Variants in ZNF442 observed in about 807,000 individuals in gnomAD.
The protein encoded by ZNF442 is zinc finger protein 442.
In ZNF442, 45 loss-of-function variants were observed where a neutral mutation model predicts 57.0. The observed-to-expected ratio is 0.79, with a 90% CI of 0.62 to 1.01. ZNF442 has a LOEUF of 1.01. ZNF442 is among the 50% of genes least tolerant of loss of function. The pLI is 0.00. For missense variants in ZNF442, 690 were observed against 756.5 expected (o/e 0.91, Z 1.03); for synonymous variants, 213 against 241.8 (o/e 0.88, Z 1.10).
At chr19:12,373,674 G>A in the ZNF442 span, 2 of 305,438 alleles carry the variant, frequency 6.5e-6, no homozygotes, top group South Asian at 3.5e-5. Flanking sequence ...GTCTCAATAT[G>A]TGCCGCCAGT....
chr19:12,356,636 A>AAAAAAAAAAAG lies in ZNF442; in HGVS notation c.79-3523_79-3522insCTTTTTTTTTT, dbSNP rs1032081069. 1.5e-3 allele frequency among the ~76,000 whole-genome samples: 230 copies of AAAAAAAAAAAG among 151,728 alleles called. 2 individuals carry two copies. Among genetic ancestry groups the AAAAAAAAAAAG allele is most frequent in the African/African-American group, 5.4e-3 (221 of 41,052 alleles). On this transcript the variant is annotated intron_variant, in intron 3 of 5. Coordinates refer to ENST00000242804, the MANE Select transcript of ZNF442 (RefSeq NM_030824.3). ...GAGTGAAACTCCGTCTCAAAAAAAA[A>AAAAAAAAAAAG]AGAGAGAGAGAGAAACAAGGCAAGG...
At chr19:12,364,448 A>C (rs1027903368) in intron 2 of ZNF442, among the ~76,000 whole-genome samples, 13 of 151,806 alleles carry the variant, frequency 8.6e-5, no homozygotes, top group Non-Finnish European at 1.5e-4. Flanking sequence ...GAAGCCATCC[A>C]TTGCTCTCTG....
At chr19:12,362,095 C>T (rs1969439696) in intron 3 of ZNF442, among the ~76,000 whole-genome samples, 1 of 152,238 alleles carries the variant, frequency 6.6e-6, no homozygotes, top group East Asian at 1.9e-4. Context: ...AGCCGCCTGC[C>T]TTGGCCTCCC....
rs570619039 is a variant in ZNF442, at chr19:12,353,952, G to A, written c.79-838C>T. On this transcript the variant is annotated intron_variant, in intron 3 of 5. Transcript: ENST00000242804. ...GACGCCCTGTGCCACACAGGGACTCGACAGAGTCTCCACCAGCAAGGAGGT... is the reference window on the plus strand; with the variant it reads ...GACGCCCTGTGCCACACAGGGACTCAACAGAGTCTCCACCAGCAAGGAGGT... Among the ~76,000 whole-genome samples the A allele has an allele frequency of 2.7e-4, 41 of 152,228 alleles. 1 individual carries two copies. Among genetic ancestry groups the A allele is most frequent in the South Asian group, 4.2e-4 (2 of 4,814 alleles).
upstream of ZNF442, among the ~76,000 whole-genome samples, chr19:12,368,539 T>C (rs1041485993): frequency 6.6e-6 from 1 of 152,198 alleles, no homozygotes; most frequent in Admixed American, 6.5e-5. Flanking sequence ...GCAACTAATG[T>C]ATAACCTGGC....
chr19:12,365,993 G>GACTC, upstream of ZNF442: 1 of 152,364 alleles, frequency 6.6e-6, no homozygotes, highest in Non-Finnish European at 1.5e-5. Flanking sequence ...GGGAATTCGA[G>GACTC]ACTCACTGCC....
chr19:12,366,046 A>T (rs1969526665), upstream of ZNF442: 1 of 152,264 alleles, frequency 6.6e-6, no homozygotes, highest in Admixed American at 6.5e-5. Context: ...GGGGAGGCCC[A>T]GGCCACACAA....
intron 4 of ZNF442, among the ~76,000 whole-genome samples, chr19:12,352,548 C>A (rs1352078707): frequency 6.6e-6 from 1 of 152,130 alleles, no homozygotes; most frequent in African/African-American, 2.4e-5. Context: ...TCTCTGCTAC[C>A]CCTGGGACAC....
In ZNF442 at chr19:12,350,290, G is replaced by C; in HGVS notation, c.1295C>G (p.Pro432Arg). Residue 432 changes from proline (P) to arginine (R), a missense_variant, in exon 6 of 6, where the codon CCC becomes CGC. By Grantham distance (103) the Pro-to-Arg change is moderately radical. Transcript: ENST00000242804. ...TTTACCACATTCTTTACATTCATAGGGTTTCTCACCAGTATGAGTCCTTTC... is the reference window on the plus strand; with the variant it reads ...TTTACCACATTCTTTACATTCATAGCGTTTCTCACCAGTATGAGTCCTTTC... ...GHERTHTGEK[P>R]YECKECGKAF... 6.2e-7 allele frequency: 1 copy of C among 1,613,600 alleles called. No homozygotes were observed. The highest frequency in any genetic ancestry group is 8.5e-7 in the Non-Finnish European group (1 of 1,179,964).
Position 12,351,507 on chromosome 19 carries a change from C to T in ZNF442, c.267-189G>A, listed in dbSNP as rs1292905313. Reference sequence around the variant, plus strand: ...GCTGTTTTCTTGACAATGATAAACACATGAAATTCTTTTTTTTGAGATGGA... The same window carrying T: ...GCTGTTTTCTTGACAATGATAAACATATGAAATTCTTTTTTTTGAGATGGA... On this transcript the variant is annotated intron_variant, in intron 5 of 5. Coordinates refer to ENST00000242804, the MANE Select transcript of ZNF442 (RefSeq NM_030824.3). 2.0e-5 allele frequency among the ~76,000 whole-genome samples: 3 copies of T among 152,110 alleles called. No homozygotes were observed. In the East Asian group the frequency reaches 5.8e-4, roughly 29 times the overall value.
At chr19:12,371,137 G>A in the ZNF442 span, among the ~76,000 whole-genome samples, 1 of 152,022 alleles carries the variant, frequency 6.6e-6, no homozygotes, top group Non-Finnish European at 1.5e-5. Flanking sequence ...TAAAAAGAAA[G>A]AAGCCAAACA....
chr19:12,360,345 C>A (rs1969402642), intron 3 of ZNF442, among the ~76,000 whole-genome samples: 1 of 152,162 alleles, frequency 6.6e-6, no homozygotes, highest in Admixed American at 6.5e-5. Flanking sequence ...CTTTCTAATG[C>A]TCTGTAGCTT....
rs1429346994 is a variant in ZNF442, at chr19:12,350,197, C to T, written c.1388G>A (p.Cys463Tyr). The T allele has an allele frequency of 6.2e-7, 1 of 1,613,780 alleles. No individual in the cohort carries two copies. Among genetic ancestry groups the T allele is most frequent in the South Asian group, 1.1e-5 (1 of 91,062 alleles). The change falls in exon 6 of 6, where the codon TGT becomes TAT. Residue 463 changes from cysteine to tyrosine, a missense_variant. Transcript: ENST00000242804. Reference sequence around the variant, plus strand: ...ATCAATAAAGGCTTTCCCACATTTACATTTATAGGGTTTCTCTCCAGTGTG... The same window carrying T: ...ATCAATAAAGGCTTTCCCACATTTATATTTATAGGGTTTCTCTCCAGTGTG... ...TTHTGEKPYK[C>Y]KCGKAFIDFY...
At position 12,353,134 on chromosome 19, in the gene ZNF442, CA is replaced by C. The variant is rs766349807; in HGVS notation, c.79-21del. 6.3e-7 allele frequency: 1 copy of C among 1,598,792 alleles called. No individual in the cohort carries two copies. The highest frequency in any genetic ancestry group is 8.5e-7 in the Non-Finnish European group (1 of 1,175,010). On this transcript the variant is annotated intron_variant, in intron 3 of 5. Transcript: ENST00000242804. ...TGAATCCTGAAACACCCCACATGTA[CA>C]AAGGAGTAAGGCTGAGACTGATAGT...
chr19:12,357,367 TTTTG>T lies in ZNF442; in HGVS notation c.79-4257_79-4254del, dbSNP rs1384683948. 5.9e-3 allele frequency among the ~76,000 whole-genome samples: 807 copies of T among 136,620 alleles called. 10 individuals carry two copies. Among genetic ancestry groups the T allele is most frequent in the African/African-American group, 0.026 (769 of 29,842 alleles). 89.6% of individuals were successfully genotyped at this position (136,620 alleles called of 152,430 possible). A position where few individuals can be genotyped will look rare whatever the true frequency, so the allele number is the denominator to read the frequency against. ...TTTCTTTCTTTTTTTTTTTTTTTTT[TTTTG>T]GACAGAGTCTCGCTCTGCCGCCCAG... is the stretch of plus-strand genomic sequence containing the variant. On this transcript the variant is annotated intron_variant, in intron 3 of 5. Coordinates refer to ENST00000242804, the MANE Select transcript of ZNF442 (RefSeq NM_030824.3).
the ZNF442 span, among the ~76,000 whole-genome samples, chr19:12,371,544 G>C: frequency 6.6e-6 from 1 of 152,160 alleles, no homozygotes; most frequent in South Asian, 2.1e-4. Context: ...TCATTACTGT[G>C]TTGATTTAAA....
chr19:12,358,235 T>A (rs1319780408), intron 3 of ZNF442, among the ~76,000 whole-genome samples: 1 of 152,222 alleles, frequency 6.6e-6, no homozygotes, highest in Non-Finnish European at 1.5e-5. Flanking sequence ...AGTGCTGGGA[T>A]TACAGGCGTG....
intron 4 of ZNF442, 104 bp from the exon 5 acceptor site, chr19:12,352,174 T>C: frequency 9.3e-7 from 1 of 1,075,884 alleles, no homozygotes; most frequent in Non-Finnish European, 1.4e-6. Context: ...TTCACTGAAT[T>C]GTAGCTGACT....
In ZNF442 at chr19:12,359,006, G is replaced by C. The variant is rs138943362; in HGVS notation, c.78+4548C>G. Among the ~76,000 whole-genome samples the C allele has an allele frequency of 6.2e-3, 947 of 152,230 alleles. 14 individuals are homozygous for C. The highest frequency in any genetic ancestry group is 0.022 in the African/African-American group (909 of 41,540). On this transcript the variant is annotated intron_variant, in intron 3 of 5. Coordinates refer to ENST00000242804, the MANE Select transcript of ZNF442 (RefSeq NM_030824.3). Reference sequence around the variant, plus strand: ...TTAAGGTTGTCAGTTTGTTATAAAGGATATCTCAAGAATAGCCAAAAAGAG... The same window carrying C: ...TTAAGGTTGTCAGTTTGTTATAAAGCATATCTCAAGAATAGCCAAAAAGAG...
Sources: gnomAD v4.1 joint callset for allele counts (sites outside exome capture counted in the v4.1 genomes callset) on GRCh38, gnomAD v4.1.1 for gene constraint, MANE v1.5 for transcripts, NCBI Gene and HGNC (gene_info 2026-07-23, HGNC 2026-07-21) for gene names.